Variants in ALX4 observed in about 807,000 individuals in gnomAD.
The protein encoded by ALX4 is homeobox protein aristaless-like 4.
In ALX4, 22 loss-of-function variants were observed where a neutral mutation model predicts 40.6. That is an observed-to-expected ratio of 0.54 (90% CI 0.39 to 0.77). The LOEUF is 0.77. Among genes scored for constraint, ALX4 ranks in the 30% least tolerant of loss-of-function variants. The pLI is 0.00. For missense variants in ALX4, 556 were observed against 564.8 expected, an observed-to-expected ratio of 0.98 and a Z score of 0.16; for synonymous variants, 266 against 240.5, an observed-to-expected ratio of 1.11 and a Z score of -0.98.
chr11:44,295,063 C>G (rs992595951), intron 1 of ALX4, among the ~76,000 whole-genome samples: 5 of 152,100 alleles, frequency 3.3e-5, no homozygotes, highest in African/African-American at 1.2e-4. Context: ...GTTGGCCAGG[C>G]TGGTCTCAAA....
chr11:44,308,940 A>G (rs903996972), intron 1 of ALX4, among the ~76,000 whole-genome samples: 1 of 152,142 alleles, frequency 6.6e-6, no homozygotes, highest in Non-Finnish European at 1.5e-5. Flanking sequence ...GGGTCCCAGG[A>G]CTCGGGTCTT....
At chr11:44,274,253 G>A (rs1466359243) in intron 2 of ALX4, among the ~76,000 whole-genome samples, 1 of 152,198 alleles carries the variant, frequency 6.6e-6, no homozygotes, top group African/African-American at 2.4e-5. Context: ...GTTCTATTGG[G>A]TTGTGTTGAG....
At chr11:44,308,911 C>T (rs1447566266) in intron 1 of ALX4, among the ~76,000 whole-genome samples, 2 of 152,248 alleles carry the variant, frequency 1.3e-5, no homozygotes, top group Admixed American at 6.5e-5. Context: ...GCCCGCATCC[C>T]CACTGCCAGT....
At chr11:44,301,108 C>T (rs1384729009) in intron 1 of ALX4, among the ~76,000 whole-genome samples, 1 of 152,266 alleles carries the variant, frequency 6.6e-6, no homozygotes, top group Non-Finnish European at 1.5e-5. Flanking sequence ...CCCCACAAGG[C>T]TTGGCATAGT....
chr11:44,262,303 GC>G lies in ALX4; in HGVS notation c.*2550del, dbSNP rs1450299907. The G allele has an allele frequency of 6.6e-6, 1 of 152,258 alleles. No individual in the cohort carries two copies. The highest frequency in any genetic ancestry group is 1.5e-5 in the Non-Finnish European group (1 of 68,108). 9.4% of individuals were successfully genotyped at this position (152,258 alleles called of 1,614,324 possible). A position where few individuals can be genotyped will look rare whatever the true frequency, so the allele number is the denominator to read the frequency against. On this transcript the variant is annotated 3_prime_UTR_variant, in exon 4 of 4. Coordinates refer to ENST00000652299, the MANE Select transcript of ALX4 (RefSeq NM_021926.4). ...CTATCATACTTAGTGTGGTTAGGTG[GC>G]CCCCAAGGGCTGGGCCAAGCCACAG... is the stretch of plus-strand genomic sequence containing the variant.
rs1460901603 is a variant in ALX4 at position 44,309,911 on chromosome 11, G to A, written c.152C>T (p.Ala51Val). The A allele has an allele frequency of 6.3e-7, 1 of 1,588,834 alleles. No individual in the cohort carries two copies. The highest frequency in any genetic ancestry group is 8.6e-7 in the Non-Finnish European group (1 of 1,167,220). ...GTCCCCGAATCCCTGTGCTTTGGCG[G>A]CGGCCGACAGGAAAGTTGTGCCGAA... ...DKFGTTFLSA[A>V]AKAQGFGDAK... is the part of the protein sequence containing the mutation. Residue 51 changes from alanine to valine, a missense_variant, in exon 1 of 4, where the codon GCC (alanine) becomes GTC (valine). Coordinates refer to ENST00000652299, the MANE Select transcript of ALX4 (RefSeq NM_021926.4).
intron 1 of ALX4, among the ~76,000 whole-genome samples, chr11:44,297,849 C>T (rs540914127): frequency 1.3e-5 from 2 of 152,192 alleles, no homozygotes; most frequent in South Asian, 2.1e-4. Flanking sequence ...TTCCCTTACC[C>T]GAAGACTTAG....
At chr11:44,278,429 C>T (rs1009085188) in intron 1 of ALX4, among the ~76,000 whole-genome samples, 3 of 152,178 alleles carry the variant, frequency 2.0e-5, no homozygotes, top group Non-Finnish European at 4.4e-5. Context: ...ATGACCAAGG[C>T]GTCCTGCTCT....
intron 1 of ALX4, among the ~76,000 whole-genome samples, chr11:44,305,512 G>T (rs1956461301): frequency 6.6e-6 from 1 of 152,244 alleles, no homozygotes; most frequent in Admixed American, 6.5e-5. Context: ...AGCTGTTGCT[G>T]CTTCTGTCGG....
At chr11:44,269,091 C>T (rs1473686035) in intron 2 of ALX4, among the ~76,000 whole-genome samples, 1 of 152,228 alleles carries the variant, frequency 6.6e-6, no homozygotes, top group Non-Finnish European at 1.5e-5. Context: ...AATTCCTCTG[C>T]CTCAGAGCCT....
intron 1 of ALX4, among the ~76,000 whole-genome samples, chr11:44,279,473 C>G (rs1235921039): frequency 6.6e-6 from 1 of 152,214 alleles, no homozygotes; most frequent in Non-Finnish European, 1.5e-5. Flanking sequence ...CCCGGGCTGG[C>G]TGGAGTGTCA....
intron 1 of ALX4, among the ~76,000 whole-genome samples, chr11:44,280,087 G>T (rs999123779): frequency 6.6e-6 from 1 of 152,158 alleles, no homozygotes; most frequent in Non-Finnish European, 1.5e-5. Context: ...GAGAAAGTCG[G>T]GTGGGATACA....
At chr11:44,286,539 C>G (rs1416104050) in intron 1 of ALX4, among the ~76,000 whole-genome samples, 1 of 152,146 alleles carries the variant, frequency 6.6e-6, no homozygotes, top group African/African-American at 2.4e-5. Context: ...GGTGATGATC[C>G]TGGGGCCCCA....
In ALX4 at chr11:44,309,970, C is replaced by T. The variant is rs1177545552; in HGVS notation, c.93G>A (p.Ser31=). 3.1e-6 allele frequency: 5 copies of T among 1,596,128 alleles called. No individual in the cohort carries two copies. The South Asian group carries it at 5.7e-5, about 18-fold the overall frequency. The change falls in exon 1 of 4, where the codon TCG becomes TCA. Residue 31 remains serine, a synonymous_variant. Transcript: ENST00000652299. ...YSPVSQSREG[S]SPFRAFPGGD... ...CTCCGGGAAATGCCCTAAAAGGCGA[C>T]GAGCCCTCCCGACTCTGCGACACCG...
At chr11:44,280,538 G>T (rs1165128656) in intron 1 of ALX4, among the ~76,000 whole-genome samples, 1 of 152,212 alleles carries the variant, frequency 6.6e-6, no homozygotes, top group African/African-American at 2.4e-5. Flanking sequence ...ACCCGGAAAG[G>T]CTCTATGCTG....
At chr11:44,289,406 C>T (rs1956357129) in intron 1 of ALX4, among the ~76,000 whole-genome samples, 1 of 152,202 alleles carries the variant, frequency 6.6e-6, no homozygotes, top group African/African-American at 2.4e-5. Context: ...CACCCACTAT[C>T]TCCTCTGACC....
chr11:44,285,994 G>A (rs1401472700), intron 1 of ALX4, among the ~76,000 whole-genome samples: 1 of 152,254 alleles, frequency 6.6e-6, no homozygotes, highest in Non-Finnish European at 1.5e-5. Context: ...GGTTGAGGGA[G>A]ACTCCTCTGG....
At chr11:44,283,547 C>CTGAT (rs1435109269) in intron 1 of ALX4, among the ~76,000 whole-genome samples, 3 of 152,134 alleles carry the variant, frequency 2.0e-5, no homozygotes, top group African/African-American at 7.2e-5. Context: ...AAGATCCTTC[C>CTGAT]TGATAGTCTT....
chr11:44,279,390 G>A (rs1032883774), intron 1 of ALX4, among the ~76,000 whole-genome samples: 2 of 152,196 alleles, frequency 1.3e-5, no homozygotes, highest in Non-Finnish European at 2.9e-5. Context: ...TGAGACAGAG[G>A]GTGGCAGGGA....
Sources: gnomAD v4.1 joint callset for allele counts (sites outside exome capture counted in the v4.1 genomes callset) on GRCh38, gnomAD v4.1.1 for gene constraint, MANE v1.5 for transcripts, NCBI Gene and HGNC (gene_info 2026-07-23, HGNC 2026-07-21) for gene names.